Variants in TNS3 observed in about 807,000 individuals in gnomAD.
The protein encoded by TNS3 is tensin-3.
TNS3 carries 45 observed loss-of-function variants against 140.9 expected under a neutral mutation model. That is an observed-to-expected ratio of 0.32 (90% CI 0.25 to 0.41). The LOEUF (loss-of-function observed/expected upper bound fraction) is 0.41, where lower values mean the gene tolerates loss of function less well. TNS3 is among the 10% of genes least tolerant of loss of function. TNS3 has a pLI of 1.00. For missense variants in TNS3, 1,716 were observed against 1,906.7 expected (o/e 0.90, Z 1.86); for synonymous variants, 815 against 788.4 (o/e 1.03, Z -0.56).
chr7:47,338,707 G>A (rs2150959007), intron 20 of TNS3, among the ~76,000 whole-genome samples: 1 of 152,320 alleles, frequency 6.6e-6, no homozygotes, highest in South Asian at 2.1e-4. Flanking sequence ...CTTCGATGGT[G>A]TATATGTCCC....
intron 1 of TNS3, among the ~76,000 whole-genome samples, chr7:47,564,720 T>C (rs1206463099): frequency 7.4e-6 from 1 of 135,582 alleles, no homozygotes; most frequent in East Asian, 2.6e-4. Flanking sequence ...TATGCGTATA[T>C]ACATGTATAC....
At chr7:47,362,034 T>C (rs1790364647) in intron 17 of TNS3, among the ~76,000 whole-genome samples, 1 of 152,064 alleles carries the variant, frequency 6.6e-6, no homozygotes, top group African/African-American at 2.4e-5. Flanking sequence ...CTTAAAAGGG[T>C]ATGATACAAA....
At position 47,303,014 on chromosome 7, in the gene TNS3, A is replaced by G; in HGVS notation, c.3393T>C (p.Ser1131=). Residue 1131 remains serine, a synonymous_variant, in exon 22 of 31, where the codon AGT becomes AGC. Transcript: ENST00000311160. ...FSSPHSGSTI[S]IPFPNVLPDF... is the part of the protein sequence containing the mutation. ...CGGGAAGGACATTTGGGAAGGGGAT[A>G]CTGATGGTGCTCCCGCTGTGCGGGC... The G allele has an allele frequency of 6.2e-7, 1 of 1,613,944 alleles. No individual in the cohort carries two copies. Among genetic ancestry groups the G allele is most frequent in the Non-Finnish European group, 8.5e-7 (1 of 1,179,876 alleles).
intron 4 of TNS3, among the ~76,000 whole-genome samples, chr7:47,466,054 C>A (rs989227807): frequency 1.3e-5 from 2 of 152,098 alleles, no homozygotes; most frequent in Non-Finnish European, 2.9e-5. Flanking sequence ...GTTCAAATTT[C>A]TCTGCCATAC....
chr7:47,394,199 A>G (rs1277150575), intron 16 of TNS3, among the ~76,000 whole-genome samples: 2 of 152,252 alleles, frequency 1.3e-5, no homozygotes, highest in South Asian at 2.1e-4. Flanking sequence ...TGGACTGAAT[A>G]TTTGTGTCCC....
intron 16 of TNS3, among the ~76,000 whole-genome samples, chr7:47,395,656 T>C (rs1468479863): frequency 6.6e-6 from 1 of 152,216 alleles, no homozygotes; most frequent in Non-Finnish European, 1.5e-5. Context: ...ACTGGTGTGC[T>C]GAATAATTCA....
At chr7:47,367,920 A>G (rs1440567509) in intron 17 of TNS3, among the ~76,000 whole-genome samples, 1 of 152,220 alleles carries the variant, frequency 6.6e-6, no homozygotes, top group Non-Finnish European at 1.5e-5. Context: ...AGTCTTCTTC[A>G]TCCCCAACCT....
intron 20 of TNS3, among the ~76,000 whole-genome samples, chr7:47,322,872 C>T (rs1362533716): frequency 6.6e-6 from 1 of 152,160 alleles, no homozygotes; most frequent in Non-Finnish European, 1.5e-5. Flanking sequence ...TGGCCACGGA[C>T]CCTGCTCTAT....
intron 20 of TNS3, among the ~76,000 whole-genome samples, chr7:47,343,115 T>C (rs1218766818): frequency 2.0e-5 from 3 of 152,226 alleles, no homozygotes; most frequent in African/African-American, 4.8e-5. Flanking sequence ...TCAGGACAAG[T>C]TGAAGCCACT....
In TNS3 at chr7:47,472,325, G is replaced by A. The variant is rs182527223; in HGVS notation, c.-76+8778C>T. On this transcript the variant is annotated intron_variant, in intron 4 of 30. Transcript: ENST00000311160. ...CCCTACAGATGGTTCTCTGGGATCC[G>A]TGAGAAGGAGGGAGGCCCCACTGCA... Among the ~76,000 whole-genome samples, 27 of 152,284 alleles carry A rather than the reference G, an allele frequency of 1.8e-4. No homozygotes were observed. The East Asian group carries it at 4.8e-3, about 27-fold the overall frequency.
chr7:47,560,316 A>C (rs1025188044), intron 1 of TNS3, among the ~76,000 whole-genome samples: 2 of 152,050 alleles, frequency 1.3e-5, no homozygotes, highest in African/African-American at 4.8e-5. Flanking sequence ...ACCAGGAAAC[A>C]GGCCCTCACC....
At chr7:47,515,170 T>G (rs1798738973) in intron 2 of TNS3, among the ~76,000 whole-genome samples, 1 of 152,224 alleles carries the variant, frequency 6.6e-6, no homozygotes, top group Admixed American at 6.5e-5. Context: ...GATGAAATGT[T>G]TTCTTTCTAC....
At chr7:47,548,053 A>AC (rs1444218133) in intron 1 of TNS3, among the ~76,000 whole-genome samples, 1 of 152,176 alleles carries the variant, frequency 6.6e-6, no homozygotes, top group Non-Finnish European at 1.5e-5. Context: ...GGCATGCACC[A>AC]TCACACCCGG....
At position 47,469,304 on chromosome 7, in the gene TNS3, C is replaced by G. The variant is rs1198841046; in HGVS notation, c.-76+11799G>C. On this transcript the variant is annotated intron_variant, in intron 4 of 30. Coordinates refer to ENST00000311160, the MANE Select transcript of TNS3 (RefSeq NM_022748.12). The stretch of plus-strand genomic sequence containing the variant: ...ACTATCAACAGAGTAAACAGACATC[C>G]TACAGAATGGGAGAAAATATTCACA... Among the ~76,000 whole-genome samples the G allele has an allele frequency of 2.0e-5, 3 of 152,288 alleles. 1 individual carries two copies. The highest frequency in any genetic ancestry group is 4.1e-4 in the South Asian group (2 of 4,826).
At chr7:47,382,410 G>A (rs183957562) in intron 16 of TNS3, among the ~76,000 whole-genome samples, 81 of 152,286 alleles carry the variant, frequency 5.3e-4, no homozygotes, top group Non-Finnish European at 9.1e-4. Flanking sequence ...GGCTCAGAAC[G>A]CTCTCATTTT....
In TNS3 at chr7:47,551,942, G is replaced by A. The variant is rs373935984; in HGVS notation, c.-264-22795C>T. Among the ~76,000 whole-genome samples the A allele has an allele frequency of 1.1e-4, 17 of 152,226 alleles. No homozygotes were observed. The East Asian group carries it at 2.1e-3, about 19-fold the overall frequency. ...GGCTACAAAACCGTGTGTCCACCGG[G>A]AGCGATCCTTGGCCTCTCTGCAAAT... On this transcript the variant is annotated intron_variant, in intron 1 of 30. Transcript: ENST00000311160.
Position 47,369,200 on chromosome 7 carries a change from C to T in TNS3, c.1446G>A (p.Met482Ile). The change falls in exon 17 of 31, where the codon ATG becomes ATA. Residue 482 changes from methionine to isoleucine, a missense_variant. Coordinates refer to ENST00000311160, the MANE Select transcript of TNS3 (RefSeq NM_022748.12). ...DRETDILDDEMPHHDLHSVDS... is the reference protein window; with the variant it reads ...DRETDILDDEIPHHDLHSVDS... The stretch of plus-strand genomic sequence containing the variant: ...CCACACTGTGCAGGTCGTGGTGGGG[C>T]ATCTCGTCATCCAGAATGTCTGTCT... 6.2e-7 allele frequency: 1 copy of T among 1,614,012 alleles called. No individual in the cohort carries two copies. The highest frequency in any genetic ancestry group is 1.1e-5 in the South Asian group (1 of 91,078).
intron 16 of TNS3, among the ~76,000 whole-genome samples, chr7:47,374,009 G>A (rs1017925514): frequency 6.6e-6 from 1 of 152,170 alleles, no homozygotes; most frequent in Non-Finnish European, 1.5e-5. Flanking sequence ...GCACAGCCAG[G>A]TCCAGCCATC....
At chr7:47,501,183 AG>A (rs1562808972) in intron 3 of TNS3, among the ~76,000 whole-genome samples, 1 of 45,856 alleles carries the variant, frequency 2.2e-5, no homozygotes, top group East Asian at 9.3e-4. Context: ...AGAGGAAGGA[AG>A]GAAGGGAGGG....
Sources: gnomAD v4.1 joint callset for allele counts (sites outside exome capture counted in the v4.1 genomes callset) on GRCh38, gnomAD v4.1.1 for gene constraint, MANE v1.5 for transcripts, NCBI Gene and HGNC (gene_info 2026-07-23, HGNC 2026-07-21) for gene names.